The following PDE3A variants were observed in gnomAD, a reference collection of about 807,000 sequenced individuals.
PDE3A encodes cGMP-inhibited 3',5'-cyclic phosphodiesterase 3A.
Under a neutral mutation model 98.3 loss-of-function variants are expected in PDE3A, and 43 were observed. The observed-to-expected ratio is 0.44, with a 90% CI of 0.34 to 0.56. The LOEUF is 0.56. Ranked by LOEUF, PDE3A falls within the 20% of genes least tolerant of loss-of-function variation. PDE3A has a pLI of 0.01. For missense variants in PDE3A, 1,427 were observed against 1,440.7 expected (o/e 0.99, Z 0.15); for synonymous variants, 663 against 567.9 (o/e 1.17, Z -2.38).
At chr12:20,376,641 A>T (rs1408853679) in intron 1 of PDE3A, among the ~76,000 whole-genome samples, 1 of 151,914 alleles carries the variant, frequency 6.6e-6, no homozygotes, top group Admixed American at 6.6e-5. Context: ...TTAGATTTTC[A>T]ATATGTTTAT....
At chr12:20,625,638 CTG>C (rs912343724) in intron 5 of PDE3A, among the ~76,000 whole-genome samples, 4 of 152,050 alleles carry the variant, frequency 2.6e-5, no homozygotes, top group Non-Finnish European at 5.9e-5. Context: ...TAAAATTAAA[CTG>C]AGAGAGTTTT....
At chr12:20,444,212 G>A (rs778852474) in intron 1 of PDE3A, among the ~76,000 whole-genome samples, 1 of 152,106 alleles carries the variant, frequency 6.6e-6, no homozygotes, top group African/African-American at 2.4e-5. Flanking sequence ...AGTACCTGTA[G>A]CTGAGTTTTC....
At chr12:20,507,431 A>G (rs1946139794) in intron 1 of PDE3A, among the ~76,000 whole-genome samples, 1 of 152,074 alleles carries the variant, frequency 6.6e-6, no homozygotes, top group South Asian at 2.1e-4. Context: ...TTAATTGACC[A>G]GTGAATGCTT....
intron 1 of PDE3A, among the ~76,000 whole-genome samples, chr12:20,554,100 ATT>A (rs201554748): frequency 4.7e-5 from 7 of 148,442 alleles, no homozygotes; most frequent in East Asian, 2.0e-4. Flanking sequence ...TTGTTTTTGT[ATT>A]TTTTTTTTGA....
At chr12:20,678,511 T>C (rs1945694117) in intron 15 of PDE3A, among the ~76,000 whole-genome samples, 1 of 152,146 alleles carries the variant, frequency 6.6e-6, no homozygotes, top group Admixed American at 6.5e-5. Context: ...AAAATTCCAA[T>C]GGAATGAGTA....
intron 10 of PDE3A, among the ~76,000 whole-genome samples, chr12:20,642,620 ATTTAAG>A (rs1944670632): frequency 6.6e-6 from 1 of 152,094 alleles, no homozygotes; most frequent in South Asian, 2.1e-4. Flanking sequence ...TCTCATTCTG[ATTTAAG>A]TTTGAGAAGT....
At chr12:20,527,430 C>A (rs1171983004) in intron 1 of PDE3A, among the ~76,000 whole-genome samples, 1 of 152,028 alleles carries the variant, frequency 6.6e-6, no homozygotes, top group Non-Finnish European at 1.5e-5. Context: ...ATAATAATAG[C>A]AAAAACATTG....
intron 1 of PDE3A, among the ~76,000 whole-genome samples, chr12:20,394,290 T>C (rs1003683439): frequency 1.4e-4 from 21 of 152,090 alleles, no homozygotes; most frequent in Non-Finnish European, 2.5e-4. Context: ...TTCATTTTTA[T>C]TTTCTATAGT....
At chr12:20,476,323 G>T (rs1394496331) in intron 1 of PDE3A, among the ~76,000 whole-genome samples, 2 of 152,162 alleles carry the variant, frequency 1.3e-5, no homozygotes, top group Non-Finnish European at 2.9e-5. Context: ...GGAGACATCA[G>T]ATATTTATGT....
chr12:20,527,049 G>A (rs530181871), intron 1 of PDE3A, among the ~76,000 whole-genome samples: 9 of 151,938 alleles, frequency 5.9e-5, no homozygotes, highest in African/African-American at 2.2e-4. Context: ...CTCCCGAGTA[G>A]CTAGGATTAC....
At chr12:20,638,331 C>G (rs985260319) in intron 9 of PDE3A, among the ~76,000 whole-genome samples, 2 of 152,114 alleles carry the variant, frequency 1.3e-5, no homozygotes, top group Non-Finnish European at 2.9e-5. Flanking sequence ...TAGGGGTACA[C>G]TAACATTATT....
chr12:20,430,094 G>A (rs141011047), intron 1 of PDE3A, among the ~76,000 whole-genome samples: 10 of 151,974 alleles, frequency 6.6e-5, no homozygotes, highest in African/African-American at 2.2e-4. Flanking sequence ...TGCCAGTATC[G>A]CTTTCTGAAA....
chr12:20,558,192 A>G (rs1468855283), intron 2 of PDE3A, among the ~76,000 whole-genome samples: 1 of 149,504 alleles, frequency 6.7e-6, no homozygotes, highest in Non-Finnish European at 1.5e-5. Flanking sequence ...TCACTATGTC[A>G]ATATAAATTG....
chr12:20,416,853 A>G (rs1944428808), intron 1 of PDE3A, among the ~76,000 whole-genome samples: 1 of 152,200 alleles, frequency 6.6e-6, no homozygotes, highest in South Asian at 2.1e-4. Context: ...AACTTCCTTT[A>G]GGAACAGATA....
At chr12:20,454,146 C>G (rs1187537382) in intron 1 of PDE3A, among the ~76,000 whole-genome samples, 2 of 152,212 alleles carry the variant, frequency 1.3e-5, no homozygotes, top group African/African-American at 4.8e-5. Context: ...CATTTACTCA[C>G]TCTAGTCACA....
At chr12:20,463,781 G>A (rs568027347) in intron 1 of PDE3A, among the ~76,000 whole-genome samples, 21 of 152,210 alleles carry the variant, frequency 1.4e-4, no homozygotes, top group African/African-American at 4.8e-4. Flanking sequence ...TTAAGAAGGG[G>A]ACAAAACATA....
intron 1 of PDE3A, among the ~76,000 whole-genome samples, chr12:20,522,186 C>T (rs978612139): frequency 1.1e-4 from 16 of 152,146 alleles, no homozygotes; most frequent in Admixed American, 2.6e-4. Flanking sequence ...GCATCATTCA[C>T]GTCTGCTCTC....
At chr12:20,502,869 T>C (rs1313830966) in intron 1 of PDE3A, among the ~76,000 whole-genome samples, 1 of 152,162 alleles carries the variant, frequency 6.6e-6, no homozygotes, top group Non-Finnish European at 1.5e-5. Flanking sequence ...GTTTGGGAGC[T>C]GGACAGACAT....
At chr12:20,655,779 G>A (rs559109625) in intron 15 of PDE3A, among the ~76,000 whole-genome samples, 1 of 152,284 alleles carries the variant, frequency 6.6e-6, no homozygotes, top group South Asian at 2.1e-4. Context: ...TGCTTCAGCT[G>A]CTCTATTGAG....
Sources: allele counts gnomAD v4.1 joint callset (sites outside exome capture counted in the v4.1 genomes callset), GRCh38; gene constraint gnomAD v4.1.1; transcripts MANE v1.5; gene names NCBI Gene and HGNC (gene_info 2026-07-23, HGNC 2026-07-21).